Variants in UHRF1 observed in about 807,000 individuals in gnomAD.
UHRF1 encodes the protein ubiquitin like with PHD and ring finger domains 1, also known as E3 ubiquitin-protein ligase UHRF1.
A neutral mutation model predicts 96.5 loss-of-function variants in UHRF1; 9 were observed. That is an observed-to-expected ratio of 0.09 (90% CI 0.06 to 0.16). The LOEUF (loss-of-function observed/expected upper bound fraction) is 0.16, where lower values mean the gene tolerates loss of function less well. Ranked by LOEUF, UHRF1 falls within the 10% of genes least tolerant of loss-of-function variation. UHRF1 has a pLI of 1.00. For missense variants in UHRF1, 626 were observed against 1,131.1 expected (o/e 0.55, Z 6.40); for synonymous variants, 455 against 469.9 (o/e 0.97, Z 0.41).
chr19:4,929,531 G>C, intron 3 of UHRF1, 55 bp downstream of exon 3: 1 of 1,571,628 alleles, frequency 6.4e-7, no homozygotes, highest in South Asian at 1.2e-5. Flanking sequence ...TGCCATTCTG[G>C]TCTTTGCATA....
intron 2 of UHRF1, among the ~76,000 whole-genome samples, chr19:4,924,172 C>T (rs901388166): frequency 1.1e-4 from 16 of 151,906 alleles, no homozygotes; most frequent in East Asian, 5.8e-4. Context: ...TTTTTTGAGA[C>T]GGAGTCTCGC....
chr19:4,941,452 C>T lies in UHRF1; in HGVS notation c.786-76C>T, dbSNP rs540825070. Reference sequence around the variant, plus strand: ...TGTTGCCCCAGGCATCCCGAGAACCCGTGGTGTTCAAGTGCTGTGAGTAGA... The same window carrying T: ...TGTTGCCCCAGGCATCCCGAGAACCTGTGGTGTTCAAGTGCTGTGAGTAGA... On this transcript the variant is annotated intron_variant, in intron 5 of 16. Transcript: ENST00000650932. 5.6e-5 allele frequency: 64 copies of T among 1,152,166 alleles called. 1 individual carries two copies. Among genetic ancestry groups the T allele is most frequent in the Admixed American group, 1.6e-4 (8 of 48,898 alleles). 71.4% of individuals were successfully genotyped at this position (1,152,166 alleles called of 1,614,324 possible).
chr19:4,943,569 G>A (rs1389185366), intron 7 of UHRF1, among the ~76,000 whole-genome samples: 7 of 148,690 alleles, frequency 4.7e-5, no homozygotes, highest in Admixed American at 4.1e-4. Flanking sequence ...GAATCTGCAC[G>A]TGTATTTCCC....
chr19:4,932,696 G>A (rs1471226927), intron 4 of UHRF1, 45 bp from the exon 5 acceptor site: 1 of 1,600,812 alleles, frequency 6.2e-7, no homozygotes, highest in Non-Finnish European at 8.5e-7. Flanking sequence ...GAGGGAAGGA[G>A]GCTTGGTCTT....
chr19:4,944,542 A>C (rs534820697), intron 9 of UHRF1, 92 bp downstream of exon 9: 324 of 1,446,336 alleles, frequency 2.2e-4, no homozygotes, highest in Admixed American at 5.1e-4. Context: ...GCCAGGGGTC[A>C]GGGTGGTTAC....
intron 5 of UHRF1, 78 bp from the exon 6 acceptor site, chr19:4,941,450 C>T (rs998499860): frequency 1.2e-5 from 14 of 1,129,896 alleles, no homozygotes; most frequent in Non-Finnish European, 1.6e-5. Context: ...ATCCCGAGAA[C>T]CCGTGGTGTT....
intron 5 of UHRF1, among the ~76,000 whole-genome samples, chr19:4,940,359 A>ATTTTTT (rs543779456): frequency 0.01 from 698 of 67,042 alleles, 67 homozygotes; most frequent in East Asian, 0.037. Context: ...TGCCTTTATG[A>ATTTTTT]TTTTTTTTTT....
exon 1 of UHRF1, chr19:4,903,219 T>C (rs1360430175): frequency 3.1e-5 from 7 of 226,392 alleles, no homozygotes; most frequent in South Asian, 6.2e-5. Flanking sequence ...AGAGTTTCAC[T>C]GTGTTGGCCA....
At chr19:4,957,784 C>T (rs2033897547) in intron 16 of UHRF1, among the ~76,000 whole-genome samples, 2 of 152,148 alleles carry the variant, frequency 1.3e-5, no homozygotes, top group African/African-American at 2.4e-5. Flanking sequence ...CCTGCCTAGT[C>T]GAGACAATCA....
chr19:4,956,866 G>C, intron 16 of UHRF1, 53 bp downstream of exon 16: 2 of 1,290,384 alleles, frequency 1.5e-6, no homozygotes, highest in Non-Finnish European at 2.2e-6. Context: ...AGGATGACCT[G>C]ACCTCCCGTT....
At chr19:4,920,849 C>T (rs959519662) in intron 2 of UHRF1, among the ~76,000 whole-genome samples, 16 of 152,042 alleles carry the variant, frequency 1.1e-4, no homozygotes, top group South Asian at 4.1e-4. Flanking sequence ...AGGAGGGCCA[C>T]GCGCGGTGGC....
At chr19:4,945,708 G>T (rs1281999120) in intron 9 of UHRF1, among the ~76,000 whole-genome samples, 153 bp from the exon 10 acceptor site, 1 of 149,684 alleles carries the variant, frequency 6.7e-6, no homozygotes, top group Non-Finnish European at 1.5e-5. Context: ...GTCTCTAGCC[G>T]AGCAGCACAC....
intron 2 of UHRF1, among the ~76,000 whole-genome samples, chr19:4,924,504 G>A (rs199569275): frequency 7.9e-5 from 12 of 151,994 alleles, no homozygotes; most frequent in Middle Eastern, 3.4e-3. Context: ...GGCTGGTCTC[G>A]AACTCCTGGC....
intron 2 of UHRF1, among the ~76,000 whole-genome samples, chr19:4,925,636 C>T (rs10425557): frequency 0.066 from 10,068 of 152,106 alleles, 1,054 homozygotes; most frequent in African/African-American, 0.22. Context: ...ATTCTCCTGC[C>T]TCAGCCTCTG....
chr19:4,931,029 C>T (rs1473279559), intron 4 of UHRF1, among the ~76,000 whole-genome samples, 153 bp downstream of exon 4: 1 of 152,162 alleles, frequency 6.6e-6, no homozygotes, highest in Non-Finnish European at 1.5e-5. Context: ...ACGAGGCTGC[C>T]CACTTGGGGA....
chr19:4,954,653 G>A lies in UHRF1; in HGVS notation c.1961G>A (p.Gly654Asp), dbSNP rs1476428694. Reference sequence around the variant, plus strand: ...CACGCGCCCCACCCTCTTCCAGGAGGTGGCCCGAGCAGGGCCGGGTCCCCG... The same window carrying A: ...CACGCGCCCCACCCTCTTCCAGGAGATGGCCCGAGCAGGGCCGGGTCCCCG... ...KGKWKRKSAG[G>D]GPSRAGSPRR... Residue 654 changes from glycine (G) to aspartate (D), a missense_variant, in exon 15 of 17, where the codon GGT becomes GAT. Gly to Asp is a moderately conservative substitution (Grantham distance 94). This residue lies in a region of UHRF1 where 90 missense variants were observed against 94.7 expected (regional missense o/e 0.95). Coordinates refer to ENST00000650932, the MANE Select transcript of UHRF1 (RefSeq NM_001048201.3). This position sits in a 1 kb window ranked among gnomAD's most constrained non-coding sequence, Gnocchi z 5.9. 6 of 1,612,346 alleles carry A rather than the reference G, an allele frequency of 3.7e-6. No homozygotes were observed. In the African/African-American group the frequency reaches 4.0e-5, roughly 11 times the overall value.
At chr19:4,919,147 T>A (rs934381179) in intron 2 of UHRF1, among the ~76,000 whole-genome samples, 1 of 150,532 alleles carries the variant, frequency 6.6e-6, no homozygotes, top group Non-Finnish European at 1.5e-5. Flanking sequence ...ACCACAGCCT[T>A]CCAGGTAGTT....
chr19:4,933,759 G>A (rs1252391185), intron 5 of UHRF1, among the ~76,000 whole-genome samples: 1 of 152,118 alleles, frequency 6.6e-6, no homozygotes, highest in South Asian at 2.1e-4. Context: ...GCTGTGGTCC[G>A]CTGCCGGCTT....
chr19:4,914,656 CT>C (rs11317452), intron 2 of UHRF1, among the ~76,000 whole-genome samples: 1,838 of 138,898 alleles, frequency 0.013, 17 homozygotes, highest in African/African-American at 0.034. Flanking sequence ...ACCCCTCAAT[CT>C]TTTTTTTTTT....
Sources: gnomAD v4.1 joint callset for allele counts (sites outside exome capture counted in the v4.1 genomes callset) on GRCh38, gnomAD v4.1.1 for gene constraint, gnomAD v4.1.1 regional missense constraint, Gnocchi (gnomAD v3.1) non-coding constraint, MANE v1.5 for transcripts, NCBI Gene and HGNC (gene_info 2026-07-23, HGNC 2026-07-21) for gene names.